PRDM6: variants seen among roughly 807,000 people sequenced by gnomAD.
PRDM6 encodes PR/SET domain 6.
Under a neutral mutation model 60.8 loss-of-function variants are expected in PRDM6, and 25 were observed. The observed-to-expected ratio is 0.41, with a 90% confidence interval of 0.30 to 0.57. The LOEUF (loss-of-function observed/expected upper bound fraction) is 0.57. PRDM6 is among the 20% of genes least tolerant of loss of function. The probability of loss-of-function intolerance (pLI) is 0.27; values close to 1 mark genes in which losing one functional copy is unlikely to be tolerated. For missense variants in PRDM6, 839 were observed against 821.3 expected (o/e 1.02, Z -0.26); for synonymous variants, 407 against 357.4 (o/e 1.14, Z -1.57).
chr5:123,136,180 C>T (rs1457401113), intron 3 of PRDM6, among the ~76,000 whole-genome samples: 1 of 152,118 alleles, frequency 6.6e-6, no homozygotes, highest in Non-Finnish European at 1.5e-5. Context: ...ATTTCAACCC[C>T]ATCCCTCTCT....
rs572784711 is a variant in PRDM6 at position 123,155,788 on chromosome 5, A to G, written c.901-96A>G. The G allele has an allele frequency of 3.6e-6, 5 of 1,406,924 alleles. No homozygotes were observed. The African/African-American group carries it at 5.7e-5, about 16-fold the overall frequency. 87.2% of individuals were successfully genotyped at this position (1,406,924 alleles called of 1,614,324 possible). A position where few individuals can be genotyped will look rare whatever the true frequency, so the allele number is the denominator to read the frequency against. ...GCACTAGCAAACCTAAGGGCAATAA[A>G]TTTCTGCAGCTGACACATAAAGACA... On this transcript the variant is annotated intron_variant, in intron 3 of 7. Transcript: ENST00000407847.
rs1434905623 is a variant in PRDM6, at chr5:123,105,420, T to A, written c.900+5459T>A. Among the ~76,000 whole-genome samples, 3 of 152,362 alleles carry A rather than the reference T, an allele frequency of 2.0e-5. No homozygotes were observed. The East Asian group carries it at 5.8e-4, about 29-fold the overall frequency. On this transcript the variant is annotated intron_variant, in intron 3 of 7. Coordinates refer to ENST00000407847, the MANE Select transcript of PRDM6 (RefSeq NM_001136239.4). ...CCAAGAAGCCTGCAGGGGAATCTTC[T>A]TATTTCACTGTGTAAATTAAAGCAG... is the stretch of plus-strand genomic sequence containing the variant.
intron 3 of PRDM6, among the ~76,000 whole-genome samples, chr5:123,128,058 G>A (rs1764735193): frequency 6.6e-6 from 1 of 152,116 alleles, no homozygotes; most frequent in Non-Finnish European, 1.5e-5. Flanking sequence ...TGAGAATGAT[G>A]GTTCCCAGCT....
intron 3 of PRDM6, 126 bp downstream of exon 3, chr5:123,100,087 A>T: frequency 4.0e-6 from 4 of 1,005,404 alleles, no homozygotes; most frequent in Non-Finnish European, 5.7e-6. Context: ...TGGCCCCCAG[A>T]GGGTAGCGGA....
chr5:123,121,781 A>G (rs759604590), intron 3 of PRDM6, among the ~76,000 whole-genome samples: 1 of 152,096 alleles, frequency 6.6e-6, no homozygotes, highest in Admixed American at 6.6e-5. Context: ...CAATAAAAAC[A>G]AAGTCTTCAC....
rs1411280203 is a variant in PRDM6 at position 123,189,231 on chromosome 5, C to T, written c.*2030C>T. On this transcript the variant is annotated 3_prime_UTR_variant, in exon 8 of 8. Transcript: ENST00000407847. The stretch of plus-strand genomic sequence containing the variant: ...AAATGTAGCCATATTAACCTGAAAC[C>T]TGCAAGAAAAGGACAGATCAGCTTC... 6.6e-6 allele frequency: 1 copy of T among 152,192 alleles called. No individual in the cohort carries two copies. Among genetic ancestry groups the T allele is most frequent in the Non-Finnish European group, 1.5e-5 (1 of 68,020 alleles). 9.4% of individuals were successfully genotyped at this position (152,192 alleles called of 1,614,324 possible). A position where few individuals can be genotyped will look rare whatever the true frequency, so the allele number is the denominator to read the frequency against.
intron 5 of PRDM6, among the ~76,000 whole-genome samples, chr5:123,170,344 C>T (rs1561875530): frequency 6.6e-6 from 1 of 152,210 alleles, no homozygotes; most frequent in Non-Finnish European, 1.5e-5. Context: ...CTGAAATTCT[C>T]CATCAGTCAA....
intron 3 of PRDM6, among the ~76,000 whole-genome samples, chr5:123,143,812 A>G (rs1039284381): frequency 1.3e-5 from 2 of 152,208 alleles, no homozygotes; most frequent in Non-Finnish European, 2.9e-5. Flanking sequence ...TATACTTTAA[A>G]TGTTTACCTT....
chr5:123,122,517 G>C (rs1764603694), intron 3 of PRDM6, among the ~76,000 whole-genome samples: 1 of 152,048 alleles, frequency 6.6e-6, no homozygotes, highest in South Asian at 2.1e-4. Flanking sequence ...TGCTTCTTTT[G>C]TTCCTGGTGA....
At chr5:123,156,785 G>A (rs1765510371) in intron 4 of PRDM6, among the ~76,000 whole-genome samples, 1 of 152,198 alleles carries the variant, frequency 6.6e-6, no homozygotes, top group South Asian at 2.1e-4. Flanking sequence ...GCACCTGCTG[G>A]TGAAGCATTT....
intron 6 of PRDM6, among the ~76,000 whole-genome samples, chr5:123,171,861 T>C (rs1336166991): frequency 1.3e-5 from 2 of 152,192 alleles, no homozygotes; most frequent in Non-Finnish European, 2.9e-5. Context: ...AAAACCGGTT[T>C]ATTTGACAGT....
At chr5:123,156,033 C>T (rs1446430143) in intron 4 of PRDM6, 22 bp downstream of exon 4, 1 of 1,544,396 alleles carries the variant, frequency 6.5e-7, no homozygotes. Flanking sequence ...CTTGATTTAC[C>T]ACCTACAGAG....
At chr5:123,124,407 T>G (rs1764649255) in intron 3 of PRDM6, among the ~76,000 whole-genome samples, 1 of 152,214 alleles carries the variant, frequency 6.6e-6, no homozygotes, top group Admixed American at 6.5e-5. Context: ...TCGAAGTGTT[T>G]TTATGGAACA....
In PRDM6 at chr5:123,129,057, A is replaced by G. The variant is rs1386622640; in HGVS notation, c.901-26827A>G. 2.0e-5 allele frequency among the ~76,000 whole-genome samples: 3 copies of G among 152,122 alleles called. No homozygotes were observed. The East Asian group carries it at 5.8e-4, about 29-fold the overall frequency. ...ATTTCTTATTTTTGTCAGGTTTGTC[A>G]AAGATCAGATGGTTGTAGATGTGTA... On this transcript the variant is annotated intron_variant, in intron 3 of 7. Coordinates refer to ENST00000407847, the MANE Select transcript of PRDM6 (RefSeq NM_001136239.4).
At chr5:123,145,178 G>A (rs1226602877) in intron 3 of PRDM6, among the ~76,000 whole-genome samples, 1 of 152,090 alleles carries the variant, frequency 6.6e-6, no homozygotes, top group African/African-American at 2.4e-5. Flanking sequence ...GGTCCTTTTT[G>A]CAAAATTGTA....
intron 3 of PRDM6, among the ~76,000 whole-genome samples, chr5:123,120,215 GA>G (rs1335411426): frequency 1.3e-5 from 2 of 152,254 alleles, no homozygotes; most frequent in Admixed American, 6.5e-5. Context: ...AAATTTTAAA[GA>G]GGAACAAATG....
At chr5:123,097,609 C>T (rs1561800277) in intron 2 of PRDM6, among the ~76,000 whole-genome samples, 1 of 151,958 alleles carries the variant, frequency 6.6e-6, no homozygotes, top group Non-Finnish European at 1.5e-5. Flanking sequence ...CATGTAATTC[C>T]CAAAATGTCT....
chr5:123,173,503 A>G (rs7719757), intron 6 of PRDM6: 1 of 166,866 alleles, frequency 6.0e-6, no homozygotes, highest in Non-Finnish European at 1.5e-5. Flanking sequence ...TGGGCTTGTT[A>G]TCTGGGAAGG....
In PRDM6 at chr5:123,188,737, A is replaced by T. The variant is rs1303489112; in HGVS notation, c.*1536A>T. On this transcript the variant is annotated 3_prime_UTR_variant, in exon 8 of 8. Coordinates refer to ENST00000407847, the MANE Select transcript of PRDM6 (RefSeq NM_001136239.4). ...AATGAGACACATAACTGAACTCACT[A>T]CTAAAAGGCAAGGATACTGTGTGGT... 6.6e-6 allele frequency: 1 copy of T among 152,128 alleles called. No homozygotes were observed. Among genetic ancestry groups the T allele is most frequent in the African/African-American group, 2.4e-5 (1 of 41,424 alleles). 9.4% of individuals were successfully genotyped at this position (152,128 alleles called of 1,614,324 possible).
Sources: gnomAD v4.1 joint callset for allele counts (sites outside exome capture counted in the v4.1 genomes callset) on GRCh38, gnomAD v4.1.1 for gene constraint, MANE v1.5 for transcripts, NCBI Gene and HGNC (gene_info 2026-07-23, HGNC 2026-07-21) for gene names.